The following RBFOX1 variants were observed in gnomAD, a reference collection of about 807,000 sequenced individuals.
RBFOX1 encodes the protein RNA binding protein fox-1 homolog 1.
In RBFOX1, 8 loss-of-function variants were observed where a neutral mutation model predicts 57.7. The observed-to-expected ratio is 0.14, with a 90% CI of 0.08 to 0.25. The LOEUF is 0.25. RBFOX1 is among the 10% of genes least tolerant of loss of function. The pLI is 1.00. For missense variants in RBFOX1, 611 were observed against 548.5 expected (o/e 1.11, Z -1.14); for synonymous variants, 326 against 222.4 (o/e 1.47, Z -4.15).
chr16:7,674,217 C>T (rs983584748), intron 13 of RBFOX1, among the ~76,000 whole-genome samples: 1 of 152,054 alleles, frequency 6.6e-6, no homozygotes, highest in Non-Finnish European at 1.5e-5. Context: ...ATAAAACCAC[C>T]CTAATCCCTT....
At chr16:5,464,957 G>C (rs2068907297) in intron 1 of RBFOX1, among the ~76,000 whole-genome samples, 1 of 152,176 alleles carries the variant, frequency 6.6e-6, no homozygotes, top group Non-Finnish European at 1.5e-5. Context: ...TGAGGGCAGA[G>C]ACCCACCTGA....
intron 2 of RBFOX1, among the ~76,000 whole-genome samples, chr16:6,566,520 T>C (rs79551352): frequency 0.02 from 3,014 of 152,330 alleles, 100 homozygotes; most frequent in African/African-American, 0.066. Context: ...AATGAATATC[T>C]GGTTTCAAAC....
At chr16:6,982,939 A>T (rs1312064941) in intron 3 of RBFOX1, among the ~76,000 whole-genome samples, 1 of 145,550 alleles carries the variant, frequency 6.9e-6, no homozygotes, top group South Asian at 2.3e-4. Flanking sequence ...GGTTGCAGTG[A>T]GATAACATCA....
chr16:7,666,620 G>A (rs1194772495), intron 13 of RBFOX1, among the ~76,000 whole-genome samples: 8 of 152,136 alleles, frequency 5.3e-5, no homozygotes, highest in Non-Finnish European at 1.2e-4. Context: ...CACAAATAAG[G>A]AAAAAGAAGG....
chr16:5,431,422 T>C (rs956887460), intron 1 of RBFOX1, among the ~76,000 whole-genome samples: 1 of 152,172 alleles, frequency 6.6e-6, no homozygotes, highest in Non-Finnish European at 1.5e-5. Flanking sequence ...TTACCCAGGC[T>C]GGAGTGCAGT....
At chr16:6,029,420 C>T (rs117069261) in intron 1 of RBFOX1, among the ~76,000 whole-genome samples, 19 of 152,270 alleles carry the variant, frequency 1.2e-4, no homozygotes, top group Middle Eastern at 3.4e-3. Flanking sequence ...TATATATGCA[C>T]ACTGAAAGAG....
chr16:6,140,165 GT>G (rs1257148814), intron 1 of RBFOX1, among the ~76,000 whole-genome samples: 2 of 148,834 alleles, frequency 1.3e-5, no homozygotes, highest in African/African-American at 2.5e-5. Flanking sequence ...AACTTCTAAG[GT>G]TTTTTTTCCA....
intron 3 of RBFOX1, among the ~76,000 whole-genome samples, chr16:6,949,286 A>G (rs540260284): frequency 1.3e-5 from 2 of 152,292 alleles, no homozygotes; most frequent in African/African-American, 2.4e-5. Flanking sequence ...CAAACCCATA[A>G]AGGGAGAAGA....
intron 2 of RBFOX1, among the ~76,000 whole-genome samples, chr16:6,574,681 G>A (rs968436817): frequency 3.4e-4 from 39 of 113,732 alleles, no homozygotes; most frequent in African/African-American, 1.3e-3. Flanking sequence ...GCCCGCCTCG[G>A]CCTCCCAAAG....
intron 1 of RBFOX1, among the ~76,000 whole-genome samples, chr16:6,050,586 C>G (rs184659915): frequency 6.6e-6 from 1 of 152,180 alleles, no homozygotes; most frequent in African/African-American, 2.4e-5. Flanking sequence ...TAGCTTTATT[C>G]TACATGTGAT....
At chr16:7,575,184 G>C (rs1436974197) in intron 5 of RBFOX1, among the ~76,000 whole-genome samples, 2 of 151,948 alleles carry the variant, frequency 1.3e-5, no homozygotes, top group East Asian at 3.9e-4. Context: ...ACCCAGGCTG[G>C]AGTGCAGTGG....
intron 3 of RBFOX1, among the ~76,000 whole-genome samples, chr16:6,904,992 G>A (rs569599147): frequency 1.3e-5 from 2 of 152,138 alleles, no homozygotes; most frequent in Middle Eastern, 3.2e-3. Flanking sequence ...TCTGTCAGAG[G>A]TGCTGTGCTT....
In RBFOX1 at chr16:7,708,943, A is replaced by C. The variant is rs2148573993; in HGVS notation, c.996-113A>C. ...CACAGCAGAGTAGAATTTGCTTCTCACTGGAAGATGAGTAGGGCCCCTGCA... is the reference window on the plus strand; with the variant it reads ...CACAGCAGAGTAGAATTTGCTTCTCCCTGGAAGATGAGTAGGGCCCCTGCA... On this transcript the variant is annotated intron_variant, in intron 14 of 15. Transcript: ENST00000550418. 3.3e-6 allele frequency: 3 copies of C among 914,806 alleles called. No homozygotes were observed. The South Asian group carries it at 4.5e-5, about 14-fold the overall frequency. 56.7% of individuals were successfully genotyped at this position (914,806 alleles called of 1,614,324 possible). A position where few individuals can be genotyped will look rare whatever the true frequency, so the allele number is the denominator to read the frequency against.
At chr16:6,785,275 T>C (rs1288753951) in intron 3 of RBFOX1, among the ~76,000 whole-genome samples, 1 of 152,162 alleles carries the variant, frequency 6.6e-6, no homozygotes, top group Non-Finnish European at 1.5e-5. Flanking sequence ...ACAAGAATTA[T>C]TCTAAACACC....
chr16:5,933,374 G>C (rs547430524), intron 4 of RBFOX1, among the ~76,000 whole-genome samples: 2 of 152,162 alleles, frequency 1.3e-5, no homozygotes, highest in African/African-American at 4.8e-5. Context: ...GGGAGTGTTC[G>C]TGTGTTCTTA....
intron 2 of RBFOX1, among the ~76,000 whole-genome samples, chr16:5,521,135 G>A (rs1016835824): frequency 6.6e-6 from 1 of 152,198 alleles, no homozygotes; most frequent in African/African-American, 2.4e-5. Context: ...GGTGGTTGCA[G>A]TCTGGCTTTC....
Position 7,351,596 on chromosome 16 carries a change from T to G in RBFOX1, c.28-166551T>G, listed in dbSNP as rs113858417. Among the ~76,000 whole-genome samples, 168 of 152,362 alleles carry G rather than the reference T, an allele frequency of 1.1e-3. 2 individuals carry two copies. Among genetic ancestry groups the G allele is most frequent in the South Asian group, 3.3e-3 (16 of 4,824 alleles). The stretch of plus-strand genomic sequence containing the variant: ...ATGATGGTGCGGTGGATCATGATAC[T>G]CTGCTCTTGAGCTCACATCCTTTAT... On this transcript the variant is annotated intron_variant, in intron 4 of 15. Coordinates refer to ENST00000550418, the MANE Select transcript of RBFOX1 (RefSeq NM_018723.4).
rs543500361 is a variant in RBFOX1 at position 6,875,840 on chromosome 16, A to G, written c.-15-176217A>G. On this transcript the variant is annotated intron_variant, in intron 3 of 15. Transcript: ENST00000550418. ...GGGAACATGGTGAAACCTCATCTCT[A>G]CAAAAAAATTAGCCAGTCATGGTGG... Among the ~76,000 whole-genome samples the G allele has an allele frequency of 5.5e-4, 84 of 151,972 alleles. 1 individual carries two copies. Among genetic ancestry groups the G allele is most frequent in the African/African-American group, 2.0e-3 (81 of 41,380 alleles).
At chr16:7,429,512 A>C (rs895357327) in intron 4 of RBFOX1, among the ~76,000 whole-genome samples, 6 of 152,140 alleles carry the variant, frequency 3.9e-5, no homozygotes, top group Non-Finnish European at 5.9e-5. Context: ...TATTACCTTG[A>C]ATTTTAGTTT....
Sources: gnomAD v4.1 joint callset for allele counts (sites outside exome capture counted in the v4.1 genomes callset) on GRCh38, gnomAD v4.1.1 for gene constraint, MANE v1.5 for transcripts, NCBI Gene and HGNC (gene_info 2026-07-23, HGNC 2026-07-21) for gene names.